Variants in UBR4 observed in about 807,000 individuals in gnomAD.
UBR4 encodes ubiquitin protein ligase E3 component n-recognin 4, also known as E3 ubiquitin-protein ligase UBR4.
A neutral mutation model predicts 575.6 loss-of-function variants in UBR4; 124 were observed. The observed-to-expected ratio is 0.22, with a 90% confidence interval of 0.19 to 0.25. The LOEUF (loss-of-function observed/expected upper bound fraction) is 0.25, where lower values mean the gene tolerates loss of function less well. UBR4 is among the 10% of genes least tolerant of loss of function. The pLI, the probability that UBR4 is intolerant of heterozygous loss-of-function variation, is 1.00. For synonymous variants in UBR4, 2,455 were observed against 2,473.7 expected, an observed-to-expected ratio of 0.99 and a Z score of 0.22; for missense variants, 4,818 against 6,478.8, an observed-to-expected ratio of 0.74 and a Z score of 8.80.
intron 51 of UBR4, among the ~76,000 whole-genome samples, chr1:19,147,717 C>T (rs1219960374): frequency 6.7e-6 from 1 of 150,010 alleles, no homozygotes; most frequent in East Asian, 1.9e-4. Flanking sequence ...GAGAAGGCTA[C>T]CCACGCTCAA....
chr1:19,163,224 C>T (rs1478295509), intron 34 of UBR4, among the ~76,000 whole-genome samples: 1 of 152,100 alleles, frequency 6.6e-6, no homozygotes, highest in Non-Finnish European at 1.5e-5. Context: ...ATGAATGGTA[C>T]CAAAGTGGTT....
At position 19,151,749 on chromosome 1, in the gene UBR4, C is replaced by G; in HGVS notation, c.7107G>C (p.Glu2369Asp). The change falls in exon 48 of 106, where the codon GAG becomes GAC. Residue 2369 changes from glutamate to aspartate, a missense_variant. Coordinates refer to ENST00000375254, the MANE Select transcript of UBR4 (RefSeq NM_020765.3). ...TGAGCTGCATAGTTCTGCCGAAGAT[C>G]TCGATATATGACGGGGCCCGTTCTA... ...QAIERAPSYIEIFGRTMQLNL... is the reference protein window; with the variant it reads ...QAIERAPSYIDIFGRTMQLNL... 6.2e-7 allele frequency: 1 copy of G among 1,614,184 alleles called. No individual in the cohort carries two copies.
intron 64 of UBR4, 121 bp downstream of exon 64, chr1:19,126,325 G>T: frequency 8.5e-7 from 1 of 1,173,100 alleles, no homozygotes; most frequent in Non-Finnish European, 1.2e-6. Context: ...CCCCACCAAG[G>T]AATGCCGGCT....
In UBR4 at chr1:19,174,377, G is replaced by C; in HGVS notation, c.2924C>G (p.Ala975Gly). The C allele has an allele frequency of 1.2e-6, 2 of 1,613,404 alleles. No individual in the cohort carries two copies. ...ELYAALTALL[A>G]AGSQLDTVRR... ...AACTGTATCAAGCTGGGACCCAGCTGCAAGCAGGGCTGTCAGTGCAGCATA... is the reference window on the plus strand; with the variant it reads ...AACTGTATCAAGCTGGGACCCAGCTCCAAGCAGGGCTGTCAGTGCAGCATA... The change falls in exon 22 of 106, where the codon GCA becomes GGA. Residue 975 changes from alanine (A) to glycine (G), a missense_variant. Physicochemically the swap from Ala to Gly is moderately conservative, Grantham distance 60 (BLOSUM62 0). This residue lies in a region of UBR4 where 1,172 missense variants were observed against 1,259.7 expected (regional missense o/e 0.93). Coordinates refer to ENST00000375254, the MANE Select transcript of UBR4 (RefSeq NM_020765.3).
chr1:19,192,240 G>C lies in UBR4; in HGVS notation c.1342C>G (p.Leu448Val). 1 of 1,614,206 alleles carries C rather than the reference G, an allele frequency of 6.2e-7. No individual in the cohort carries two copies. The highest frequency in any genetic ancestry group is 8.5e-7 in the Non-Finnish European group (1 of 1,180,022). The change falls in exon 11 of 106, where the codon CTT becomes GTT. Residue 448 changes from leucine to valine, a missense_variant. Leu to Val is a conservative substitution (Grantham distance 32). Coordinates refer to ENST00000375254, the MANE Select transcript of UBR4 (RefSeq NM_020765.3). ...CCCACTCCCTCTTTAGTACGAGAAA[G>C]GATGTCTCTGACTCGGAGGGCAGCC... ...PLAALRVRDI[L>V]SRTKEGVGSP...
rs1370582916 is a variant in UBR4 at position 19,183,267 on chromosome 1, GT to G, written c.2184+543del. Among the ~76,000 whole-genome samples, 8 of 152,172 alleles carry G rather than the reference GT, an allele frequency of 5.3e-5. No individual in the cohort carries two copies. The East Asian group carries it at 1.5e-3, about 29-fold the overall frequency. On this transcript the variant is annotated intron_variant, in intron 17 of 105. Coordinates refer to ENST00000375254, the MANE Select transcript of UBR4 (RefSeq NM_020765.3). The stretch of plus-strand genomic sequence containing the variant: ...GCATAATCATCAGGAGTTTCTGTTT[GT>G]TTTTGTGGGTTTTCCTTTTCTTTAA...
chr1:19,200,518 G>A (rs2092697240), intron 2 of UBR4, among the ~76,000 whole-genome samples: 1 of 151,802 alleles, frequency 6.6e-6, no homozygotes, highest in African/African-American at 2.4e-5. Context: ...GGGAGGCTGA[G>A]GCGGGTGGAT....
intron 18 of UBR4, among the ~76,000 whole-genome samples, chr1:19,178,369 T>A (rs1018236278): frequency 2.0e-5 from 3 of 152,196 alleles, no homozygotes; most frequent in African/African-American, 7.2e-5. Context: ...TGTTTTAATA[T>A]TAGGAAAGAG....
chr1:19,162,712 G>A (rs2087584088), intron 34 of UBR4, 101 bp from the exon 35 acceptor site: 3 of 1,357,618 alleles, frequency 2.2e-6, no homozygotes, highest in Non-Finnish European at 3.0e-6. Context: ...TCAGAGAAAT[G>A]GTATGAGAGC....
At chr1:19,161,924 T>G (rs1225109988) in intron 35 of UBR4, 27 bp from the exon 36 acceptor site, 1 of 1,612,732 alleles carries the variant, frequency 6.2e-7, no homozygotes, top group East Asian at 2.2e-5. Context: ...TCTTTTTAAT[T>G]CGAAATATAT....
chr1:19,173,449 T>C lies in UBR4; in HGVS notation c.3155A>G (p.Asn1052Ser), dbSNP rs199778582. 4 of 1,614,022 alleles carry C rather than the reference T, an allele frequency of 2.5e-6. No homozygotes were observed. The highest frequency in any genetic ancestry group is 3.4e-6 in the Non-Finnish European group (4 of 1,180,022). ...SSRLRISSYV[N>S]WIKDHLIKQG... ...CAAGCTCTGTGTTACCTTTATCCAGTTGACATAGGAGCTGATCCGGAGCCG... is the reference window on the plus strand; with the variant it reads ...CAAGCTCTGTGTTACCTTTATCCAGCTGACATAGGAGCTGATCCGGAGCCG... The change falls in exon 23 of 106, where the codon AAC (asparagine) becomes AGC (serine). Residue 1052 changes from asparagine to serine, a missense_variant. Around this residue, in one of 29 missense-constraint regions of UBR4, gnomAD observed 1,172 missense variants for 1,259.7 expected, o/e 0.93. Coordinates refer to ENST00000375254, the MANE Select transcript of UBR4 (RefSeq NM_020765.3).
rs1315117715 is a variant in UBR4 at position 19,114,031 on chromosome 1, G to A, written c.11242C>T (p.Arg3748Ter). ...TGTCCCATCAGCTGATGATACACTC[G>A]ATCAGCTTTGTCCAAAAGTGTATTG... ...NINTLLDKAD[R>*]VYHQLMGHRP... Residue 3748 changes from arginine to a stop codon, truncating the protein, a stop_gained, in exon 76 of 106, where the codon CGA (arginine) becomes TGA (stop). Coordinates refer to ENST00000375254, the MANE Select transcript of UBR4 (RefSeq NM_020765.3). LOFTEE classifies it high-confidence loss of function. 1 of 1,614,164 alleles carries A rather than the reference G, an allele frequency of 6.2e-7. No homozygotes were observed. Among genetic ancestry groups the A allele is most frequent in the Non-Finnish European group, 8.5e-7 (1 of 1,180,020 alleles).
At chr1:19,075,234 G>A (rs1886026) in intron 105 of UBR4, 174,771 of 306,462 alleles carry the variant, frequency 0.57, 51,097 homozygotes, top group East Asian at 0.74. Context: ...ACGGAGGCTC[G>A]CTGCCTGGCA....
At chr1:19,160,361 C>T (rs2087135664) in intron 38 of UBR4, 80 bp from the exon 39 acceptor site, 7 of 1,306,600 alleles carry the variant, frequency 5.4e-6, no homozygotes, top group Non-Finnish European at 7.2e-6. Flanking sequence ...AATCATCTTG[C>T]CAGTAACTTC....
chr1:19,087,272 C>A (rs796195500), intron 99 of UBR4, among the ~76,000 whole-genome samples: 10 of 152,348 alleles, frequency 6.6e-5, no homozygotes, highest in African/African-American at 2.4e-4. Flanking sequence ...GCAGTAAGTT[C>A]CAGCTGGAAA....
chr1:19,112,849 T>G lies in UBR4; in HGVS notation c.11476A>C (p.Lys3826Gln). Reference sequence around the variant, plus strand: ...TGTAGGTCATATTCCAACAACTCTTTGCGCGAAGCAAAGACTTTCTAAGAA... The same window carrying G: ...TGTAGGTCATATTCCAACAACTCTTGGCGCGAAGCAAAGACTTTCTAAGAA... ...KIIQKVFASRKELLEYDLQQR... is the reference protein window; with the variant it reads ...KIIQKVFASRQELLEYDLQQR... Residue 3826 changes from lysine (K) to glutamine (Q), a missense_variant, in exon 78 of 106, where the codon AAA (lysine) becomes CAA (glutamine). Physicochemically the swap from Lys to Gln is moderately conservative, Grantham distance 53. Transcript: ENST00000375254. 6.3e-7 allele frequency: 1 copy of G among 1,585,034 alleles called. No individual in the cohort carries two copies. Among genetic ancestry groups the G allele is most frequent in the Non-Finnish European group, 8.6e-7 (1 of 1,161,582 alleles).
At chr1:19,167,621 T>C (rs1276244611) in intron 28 of UBR4, among the ~76,000 whole-genome samples, 1 of 146,280 alleles carries the variant, frequency 6.8e-6, no homozygotes, top group East Asian at 2.1e-4. Context: ...TATAAGACTT[T>C]ACCTGTTACC....
rs2086576140 is a variant in UBR4 at position 19,157,244 on chromosome 1, G to A, written c.5761-319C>T. Among the ~76,000 whole-genome samples the A allele has an allele frequency of 1.3e-5, 2 of 152,190 alleles. No individual in the cohort carries two copies. The highest frequency in any genetic ancestry group is 6.5e-5 in the Admixed American group (1 of 15,288). On this transcript the variant is annotated intron_variant, in intron 40 of 105. Coordinates refer to ENST00000375254, the MANE Select transcript of UBR4 (RefSeq NM_020765.3). The surrounding 1 kb of genome is among the most constrained non-coding windows in gnomAD (Gnocchi z 4.4). ...AAACTGTTTTTAAAATGATTTTAGA[G>A]TTGTTTGAAGGACTATCCATATTTT...
intron 48 of UBR4, 182 bp downstream of exon 48, chr1:19,151,461 G>A (rs2085694576): frequency 4.4e-6 from 3 of 676,296 alleles, no homozygotes; most frequent in Non-Finnish European, 5.3e-6. Flanking sequence ...ATGCTCCGGT[G>A]TACTCCTTTC....
Sources: allele counts gnomAD v4.1 joint callset (sites outside exome capture counted in the v4.1 genomes callset), GRCh38; gene constraint gnomAD v4.1.1; regional missense constraint gnomAD v4.1.1; non-coding constraint Gnocchi (gnomAD v3.1); transcripts MANE v1.5; gene names NCBI Gene and HGNC (gene_info 2026-07-23, HGNC 2026-07-21).